The following FGGY variants were observed in gnomAD, a reference collection of about 807,000 sequenced individuals.
FGGY encodes the protein FGGY carbohydrate kinase domain-containing protein.
Under a neutral mutation model 71.3 loss-of-function variants are expected in FGGY, and 72 were observed. That is an observed-to-expected ratio of 1.01 (90% CI 0.84 to 1.23). The LOEUF is 1.23. Among genes scored for constraint, FGGY ranks in the 50% most tolerant of loss-of-function variants. FGGY has a pLI of 0.00. For missense variants in FGGY, 668 were observed against 682.3 expected (o/e 0.98, Z 0.23); for synonymous variants, 251 against 250.3 (o/e 1.00, Z -0.02).
intron 4 of FGGY, among the ~76,000 whole-genome samples, chr1:59,354,538 G>A (rs780832028): frequency 6.6e-6 from 1 of 152,178 alleles, no homozygotes; most frequent in Non-Finnish European, 1.5e-5. Context: ...CTCTTTCAGC[G>A]TTTGCTTTGC....
At chr1:59,644,975 CAA>C (rs397940421) in intron 11 of FGGY, among the ~76,000 whole-genome samples, 4 of 133,656 alleles carry the variant, frequency 3.0e-5, no homozygotes, top group Non-Finnish European at 1.6e-5. Flanking sequence ...GGCTCCATCT[CAA>C]AAAAAAAAAA....
chr1:59,389,237 C>T (rs540737024), intron 5 of FGGY, among the ~76,000 whole-genome samples: 1 of 152,312 alleles, frequency 6.6e-6, no homozygotes, highest in African/African-American at 2.4e-5. Flanking sequence ...TTATCCCTCC[C>T]TCTCCCCTCT....
intron 6 of FGGY, among the ~76,000 whole-genome samples, chr1:59,508,118 G>A (rs1166129530): frequency 6.6e-6 from 1 of 152,076 alleles, no homozygotes; most frequent in East Asian, 1.9e-4. Context: ...TTCCACACAG[G>A]CTTGAAAGTC....
At chr1:59,339,549 C>G (rs1335815422) in intron 2 of FGGY, among the ~76,000 whole-genome samples, 6 of 152,038 alleles carry the variant, frequency 3.9e-5, no homozygotes, top group Admixed American at 2.6e-4. Context: ...ACTGTAACCT[C>G]CGTCTCCCAG....
chr1:59,460,360 C>T (rs1476514112), intron 6 of FGGY, among the ~76,000 whole-genome samples: 1 of 152,324 alleles, frequency 6.6e-6, no homozygotes, highest in East Asian at 1.9e-4. Context: ...GAGGCTTCCA[C>T]CATTGCTGAG....
intron 14 of FGGY, among the ~76,000 whole-genome samples, chr1:59,753,876 T>C (rs1360543774): frequency 6.6e-6 from 1 of 152,186 alleles, no homozygotes; most frequent in Non-Finnish European, 1.5e-5. Flanking sequence ...GGTGGTTCCA[T>C]TACTTTTTTA....
chr1:59,761,472 A>G (rs1270203414), intron 15 of FGGY, among the ~76,000 whole-genome samples: 1 of 152,206 alleles, frequency 6.6e-6, no homozygotes, highest in African/African-American at 2.4e-5. Flanking sequence ...CCCAGAATTG[A>G]GCAAGACATG....
chr1:59,500,761 C>T (rs2094201124), intron 6 of FGGY, among the ~76,000 whole-genome samples: 1 of 150,416 alleles, frequency 6.6e-6, no homozygotes. Flanking sequence ...AGAAAACCTT[C>T]TTCAAAGGTA....
chr1:59,713,926 G>A (rs1449640118), intron 14 of FGGY, among the ~76,000 whole-genome samples: 1 of 152,188 alleles, frequency 6.6e-6, no homozygotes, highest in Non-Finnish European at 1.5e-5. Flanking sequence ...TCTTTCAGAA[G>A]AAGCAACACA....
chr1:59,322,066 G>A (rs1176854239), intron 2 of FGGY, among the ~76,000 whole-genome samples: 5 of 152,152 alleles, frequency 3.3e-5, no homozygotes, highest in South Asian at 4.1e-4. Flanking sequence ...CATTTACCAC[G>A]CCTTTAATGT....
Position 59,432,512 on chromosome 1 carries a change from G to C in FGGY, c.555-24449G>C, listed in dbSNP as rs80230287. On this transcript the variant is annotated intron_variant, in intron 5 of 15. Transcript: ENST00000303721. Reference sequence around the variant, plus strand: ...TTAGAATTGAATTGTGGGACACCTGGTTGGTTTCTGAAGAGTTAGAGTATT... The same window carrying C: ...TTAGAATTGAATTGTGGGACACCTGCTTGGTTTCTGAAGAGTTAGAGTATT... Among the ~76,000 whole-genome samples, 1,068 of 152,298 alleles carry C rather than the reference G, an allele frequency of 7.0e-3. 16 individuals are homozygous for C. Among genetic ancestry groups the C allele is most frequent in the African/African-American group, 0.025 (1,021 of 41,554 alleles).
intron 6 of FGGY, among the ~76,000 whole-genome samples, chr1:59,487,357 C>G (rs1169405186): frequency 6.6e-6 from 1 of 152,162 alleles, no homozygotes; most frequent in Admixed American, 6.5e-5. Flanking sequence ...TATTATAACA[C>G]TTATCACATT....
chr1:59,709,067 TAC>T (rs1231692864), intron 14 of FGGY, among the ~76,000 whole-genome samples: 1 of 152,020 alleles, frequency 6.6e-6, no homozygotes. Flanking sequence ...TACACACACA[TAC>T]ACACACACGC....
intron 14 of FGGY, among the ~76,000 whole-genome samples, chr1:59,710,640 AACAG>A (rs1345674825): frequency 6.6e-6 from 1 of 152,262 alleles, no homozygotes; most frequent in Non-Finnish European, 1.5e-5. Context: ...AAAGAATATG[AACAG>A]ACACTTTTCA....
intron 6 of FGGY, among the ~76,000 whole-genome samples, chr1:59,507,826 C>T (rs967913067): frequency 2.0e-5 from 3 of 151,836 alleles, no homozygotes; most frequent in Admixed American, 6.6e-5. Flanking sequence ...TGAGCAACCA[C>T]GCCCGGCCAC....
chr1:59,425,745 C>T (rs1299689759), intron 5 of FGGY, among the ~76,000 whole-genome samples: 2 of 152,170 alleles, frequency 1.3e-5, no homozygotes, highest in Non-Finnish European at 2.9e-5. Flanking sequence ...TTTCCTTGAG[C>T]ATGTCAAGTT....
At chr1:59,415,494 C>T (rs1277346576) in intron 5 of FGGY, among the ~76,000 whole-genome samples, 1 of 152,206 alleles carries the variant, frequency 6.6e-6, no homozygotes, top group East Asian at 1.9e-4. Flanking sequence ...TGTGAATTCA[C>T]AGCTGCAGCA....
chr1:59,556,529 C>T (rs1171669773), intron 8 of FGGY, among the ~76,000 whole-genome samples: 1 of 152,182 alleles, frequency 6.6e-6, no homozygotes, highest in East Asian at 1.9e-4. Flanking sequence ...TCCTCCTTGC[C>T]TCCCTGAATT....
At chr1:59,452,481 A>G (rs1425728999) in intron 5 of FGGY, among the ~76,000 whole-genome samples, 3 of 152,134 alleles carry the variant, frequency 2.0e-5, no homozygotes, top group African/African-American at 4.8e-5. Flanking sequence ...CATTGTTTTC[A>G]TCATTAAAAG....
Sources: gnomAD v4.1 joint callset for allele counts (sites outside exome capture counted in the v4.1 genomes callset) on GRCh38, gnomAD v4.1.1 for gene constraint, MANE v1.5 for transcripts, NCBI Gene and HGNC (gene_info 2026-07-23, HGNC 2026-07-21) for gene names.